Variants in STX8 observed in about 807,000 individuals in gnomAD.
The protein encoded by STX8 is syntaxin-8.
In STX8, 23 loss-of-function variants were observed where a neutral mutation model predicts 37.5. The observed-to-expected ratio is 0.61, with a 90% CI of 0.44 to 0.87. STX8 has a LOEUF of 0.87. Ranked by LOEUF, STX8 falls within the 40% of genes least tolerant of loss-of-function variation. The pLI is 0.00. For synonymous variants in STX8, 115 were observed against 99.1 expected (o/e 1.16, Z -0.95); for missense variants, 313 against 284.7 (o/e 1.10, Z -0.71).
chr17:9,450,113 C>G (rs1904987912), intron 6 of STX8, among the ~76,000 whole-genome samples: 1 of 151,852 alleles, frequency 6.6e-6, no homozygotes, highest in Admixed American at 6.6e-5. Flanking sequence ...GAGTCTCGCT[C>G]TGTCATCCAG....
intron 7 of STX8, among the ~76,000 whole-genome samples, chr17:9,290,618 A>G (rs1004653548): frequency 6.6e-5 from 10 of 152,248 alleles, no homozygotes; most frequent in Non-Finnish European, 1.5e-4. Flanking sequence ...GCTACAGTAT[A>G]GCGAGGGAAG....
At position 9,479,765 on chromosome 17, in the gene STX8, T is replaced by A. The variant is rs535577552; in HGVS notation, c.541+12064A>T. Among the ~76,000 whole-genome samples, 4 of 151,976 alleles carry A rather than the reference T, an allele frequency of 2.6e-5. No homozygotes were observed. The South Asian group carries it at 6.2e-4, about 24-fold the overall frequency. ...AAACCACTGACTCTACTTTATAGCA[T>A]AGGGTGATGGTCACACCGACACCAC... is the stretch of plus-strand genomic sequence containing the variant. On this transcript the variant is annotated intron_variant, in intron 6 of 7. Coordinates refer to ENST00000306357, the MANE Select transcript of STX8 (RefSeq NM_004853.3).
intron 4 of STX8, among the ~76,000 whole-genome samples, chr17:9,541,664 T>A (rs1436015750): frequency 6.6e-6 from 1 of 152,198 alleles, no homozygotes; most frequent in Non-Finnish European, 1.5e-5. Context: ...GCTCTTTTTA[T>A]GGTGCAATGG....
intron 7 of STX8, among the ~76,000 whole-genome samples, chr17:9,366,324 C>T (rs931535870): frequency 3.9e-5 from 6 of 152,264 alleles, no homozygotes; most frequent in African/African-American, 2.4e-5. Context: ...CTCCGCCTCC[C>T]GGGTTCAAGT....
chr17:9,376,399 G>A (rs1911587265), intron 7 of STX8, among the ~76,000 whole-genome samples: 2 of 151,986 alleles, frequency 1.3e-5, no homozygotes, highest in African/African-American at 2.4e-5. Context: ...GCACCAATCA[G>A]CACTCTGTAA....
At chr17:9,330,885 T>C (rs1394979741) in intron 7 of STX8, among the ~76,000 whole-genome samples, 3 of 150,772 alleles carry the variant, frequency 2.0e-5, no homozygotes, top group Non-Finnish European at 4.4e-5. Context: ...CAGAGAACCT[T>C]CCTTCAGAAC....
intron 3 of STX8, among the ~76,000 whole-genome samples, chr17:9,555,872 G>A (rs974721426): frequency 6.6e-6 from 1 of 150,888 alleles, no homozygotes; most frequent in Non-Finnish European, 1.5e-5. Flanking sequence ...CTCCAGCCTG[G>A]GCAACAGAGC....
At chr17:9,294,326 G>C (rs1410113876) in intron 7 of STX8, among the ~76,000 whole-genome samples, 1 of 152,236 alleles carries the variant, frequency 6.6e-6, no homozygotes, top group Non-Finnish European at 1.5e-5. Flanking sequence ...CGTATTTTCT[G>C]AGCCCTTACT....
rs59946554 is a variant in STX8 at position 9,403,286 on chromosome 17, G to T, written c.542-24633C>A. On this transcript the variant is annotated intron_variant, in intron 6 of 7. Transcript: ENST00000306357. ...GTATCGATAAAGACAACTATGCAAA[G>T]TTTTAAACAGAAGCAATTACTTTAG... is the stretch of plus-strand genomic sequence containing the variant. Among the ~76,000 whole-genome samples the T allele has an allele frequency of 8.2e-3, 1,255 of 152,284 alleles. 16 individuals carry two copies. The highest frequency in any genetic ancestry group is 0.029 in the African/African-American group (1,208 of 41,542).
At chr17:9,396,152 G>A (rs570848844) in intron 6 of STX8, among the ~76,000 whole-genome samples, 1 of 152,276 alleles carries the variant, frequency 6.6e-6, no homozygotes, top group Non-Finnish European at 1.5e-5. Flanking sequence ...CTGGAATCCT[G>A]ATGATAATGT....
At chr17:9,281,643 A>T (rs1267546385) in intron 7 of STX8, among the ~76,000 whole-genome samples, 1 of 152,194 alleles carries the variant, frequency 6.6e-6, no homozygotes, top group Admixed American at 6.5e-5. Context: ...GACTATAAAA[A>T]TATTAAAAGG....
At chr17:9,455,234 T>C (rs566077562) in intron 6 of STX8, among the ~76,000 whole-genome samples, 32 of 148,386 alleles carry the variant, frequency 2.2e-4, no homozygotes, top group African/African-American at 7.8e-4. Context: ...GTGCGGTGGC[T>C]CACGCCTGTA....
At chr17:9,572,165 A>G (rs1907712755) in intron 1 of STX8, among the ~76,000 whole-genome samples, 1 of 152,228 alleles carries the variant, frequency 6.6e-6, no homozygotes, top group African/African-American at 2.4e-5. Flanking sequence ...GAAATGGTAC[A>G]TCATCAACAA....
intron 4 of STX8, among the ~76,000 whole-genome samples, chr17:9,528,191 T>C (rs1905656218): frequency 6.6e-6 from 1 of 152,170 alleles, no homozygotes; most frequent in South Asian, 2.1e-4. Context: ...TAAGCATAGA[T>C]AAATGTGGGG....
intron 7 of STX8, among the ~76,000 whole-genome samples, chr17:9,293,855 G>A (rs569634473): frequency 8.6e-5 from 13 of 151,754 alleles, no homozygotes; most frequent in African/African-American, 2.2e-4. Context: ...TCCGCCTCCC[G>A]GGTTCACGCC....
chr17:9,377,879 C>T (rs991387739), intron 7 of STX8: 4 of 152,202 alleles, frequency 2.6e-5, no homozygotes, highest in East Asian at 3.8e-4. Flanking sequence ...TTTATCATCA[C>T]GTACCTTTGG....
In STX8 at chr17:9,274,398, C is replaced by CTCCCAGCACTTTGGGAGGCTGTAA. The variant is rs1226261077; in HGVS notation, c.644-23777_644-23754dup. ...AAAGTCTTCAGGCCGGGCGCGGTGGCTCCCAGCACTTTGGGAGGCTGTAAT... is the reference window on the plus strand; with the variant it reads ...AAAGTCTTCAGGCCGGGCGCGGTGGCTCCCAGCACTTTGGGAGGCTGTAATCCCAGCACTTTGGGAGGCTGTAAT... On this transcript the variant is annotated intron_variant, in intron 7 of 7. Coordinates refer to ENST00000306357, the MANE Select transcript of STX8 (RefSeq NM_004853.3). Among the ~76,000 whole-genome samples, 30 of 152,172 alleles carry CTCCCAGCACTTTGGGAGGCTGTAA rather than the reference C, an allele frequency of 2.0e-4. 1 individual carries two copies. The South Asian group carries it at 3.3e-3, about 17-fold the overall frequency.
intron 1 of STX8, among the ~76,000 whole-genome samples, chr17:9,575,241 A>C (rs2151921291): frequency 6.6e-6 from 1 of 152,332 alleles, no homozygotes; most frequent in East Asian, 1.9e-4. Flanking sequence ...AACTCAAGAA[A>C]GTGCAAAATG....
intron 7 of STX8, among the ~76,000 whole-genome samples, chr17:9,353,212 T>C (rs1206360996): frequency 2.6e-5 from 4 of 152,224 alleles, no homozygotes; most frequent in Non-Finnish European, 5.9e-5. Flanking sequence ...TGGGAGTCCC[T>C]ATAAGTCAGC....
Sources: gnomAD v4.1 joint callset for allele counts (sites outside exome capture counted in the v4.1 genomes callset) on GRCh38, gnomAD v4.1.1 for gene constraint, MANE v1.5 for transcripts, NCBI Gene and HGNC (gene_info 2026-07-23, HGNC 2026-07-21) for gene names.